Variants in PTBP2 observed in about 807,000 individuals in gnomAD.
The protein encoded by PTBP2 is polypyrimidine tract-binding protein 2.
Under a neutral mutation model 61.4 loss-of-function variants are expected in PTBP2, and 13 were observed. That is an observed-to-expected ratio of 0.21 (90% CI 0.14 to 0.34). The LOEUF is 0.34. PTBP2 is among the 10% of genes least tolerant of loss of function. PTBP2 has a pLI of 1.00. For synonymous variants in PTBP2, 215 were observed against 218.5 expected (o/e 0.98, Z 0.14); for missense variants, 405 against 642.6 (o/e 0.63, Z 4.00).
At chr1:96,785,615 G>T (rs761758567) in intron 8 of PTBP2, among the ~76,000 whole-genome samples, 1 of 152,126 alleles carries the variant, frequency 6.6e-6, no homozygotes, top group South Asian at 2.1e-4. Context: ...TAAAGTTCTT[G>T]TGTGTGTTTT....
chr1:96,728,815 A>AT (rs368839720), intron 2 of PTBP2, among the ~76,000 whole-genome samples: 8,284 of 110,110 alleles, frequency 0.075, 766 homozygotes, highest in African/African-American at 0.21. Context: ...TTCTTTAAGC[A>AT]TTTTTTTTTT....
intron 8 of PTBP2, among the ~76,000 whole-genome samples, chr1:96,791,902 C>T (rs950100470): frequency 2.2e-5 from 3 of 136,042 alleles, no homozygotes; most frequent in East Asian, 2.3e-4. Flanking sequence ...CATGCAATCT[C>T]GGCTCACTGC....
chr1:96,727,242 T>C (rs898733406), intron 2 of PTBP2, among the ~76,000 whole-genome samples: 1 of 152,270 alleles, frequency 6.6e-6, no homozygotes, highest in Non-Finnish European at 1.5e-5. Flanking sequence ...CATTCTGTTT[T>C]ATTGCTTAGT....
chr1:96,749,026 A>G (rs1414155320), intron 2 of PTBP2, among the ~76,000 whole-genome samples: 1 of 152,232 alleles, frequency 6.6e-6, no homozygotes, highest in Non-Finnish European at 1.5e-5. Flanking sequence ...ATTCTCAGTA[A>G]TGAAGGCTGT....
chr1:96,793,330 A>T (rs1028779660), intron 8 of PTBP2, among the ~76,000 whole-genome samples: 3 of 152,174 alleles, frequency 2.0e-5, no homozygotes, highest in African/African-American at 7.2e-5. Context: ...TGGAAGAGCT[A>T]AAGTAGATAG....
At chr1:96,751,035 T>G (rs1654471949) in intron 2 of PTBP2, among the ~76,000 whole-genome samples, 1 of 152,100 alleles carries the variant, frequency 6.6e-6, no homozygotes, top group African/African-American at 2.4e-5. Context: ...GTTCTAATTT[T>G]CTAAAGACCT....
At chr1:96,747,697 A>G (rs923760946) in intron 2 of PTBP2, among the ~76,000 whole-genome samples, 5 of 152,132 alleles carry the variant, frequency 3.3e-5, no homozygotes, top group Admixed American at 3.3e-4. Context: ...GTCATAGCAG[A>G]AGTCCTGTTG....
intron 8 of PTBP2, among the ~76,000 whole-genome samples, chr1:96,786,287 A>G (rs911735763): frequency 6.6e-6 from 1 of 152,188 alleles, no homozygotes; most frequent in Admixed American, 6.5e-5. Flanking sequence ...CTGGTAACTA[A>G]TAAGAATTAA....
chr1:96,757,172 T>C (rs1001888205), intron 3 of PTBP2, among the ~76,000 whole-genome samples: 4 of 152,224 alleles, frequency 2.6e-5, no homozygotes, highest in Admixed American at 2.6e-4. Flanking sequence ...AGACAAAGAT[T>C]GTCAGACTTG....
downstream of PTBP2, chr1:96,819,578 A>G (rs1162021990): frequency 6.6e-6 from 1 of 151,534 alleles, no homozygotes; most frequent in East Asian, 1.9e-4. Context: ...GATTCTTTTT[A>G]TTTGTGGTTA....
intron 2 of PTBP2, among the ~76,000 whole-genome samples, chr1:96,727,205 A>G (rs752551654): frequency 1.1e-4 from 16 of 152,180 alleles, no homozygotes; most frequent in Non-Finnish European, 1.9e-4. Context: ...TTATTTTGAA[A>G]TTCACCCATG....
downstream of PTBP2, chr1:96,816,811 C>T (rs1310104753): frequency 1.3e-5 from 2 of 152,108 alleles, no homozygotes. Context: ...GCTCCCCTCA[C>T]AGGATTATTA....
At chr1:96,804,119 A>T (rs1221823822) in intron 8 of PTBP2, among the ~76,000 whole-genome samples, 1 of 152,238 alleles carries the variant, frequency 6.6e-6, no homozygotes, top group African/African-American at 2.4e-5. Flanking sequence ...GGGAAAGGAT[A>T]GGAAAATACT....
At chr1:96,754,311 T>C (rs929232748) in intron 3 of PTBP2, among the ~76,000 whole-genome samples, 2 of 152,166 alleles carry the variant, frequency 1.3e-5, no homozygotes, top group African/African-American at 4.8e-5. Flanking sequence ...CTCTCTCTTT[T>C]CCTATCAGTT....
intron 8 of PTBP2, among the ~76,000 whole-genome samples, chr1:96,789,062 A>C (rs2101090499): frequency 6.6e-6 from 1 of 152,194 alleles, no homozygotes; most frequent in African/African-American, 2.4e-5. Context: ...TATCATGTTA[A>C]GAGGTGTAGT....
chr1:96,777,773 C>T lies in PTBP2; in HGVS notation c.597+24C>T, dbSNP rs772187395. Reference sequence around the variant, plus strand: ...AAGTAAGTTTAATCTGCATAATTACCTATAAATTAGAGAAATAATAATATA... The same window carrying T: ...AAGTAAGTTTAATCTGCATAATTACTTATAAATTAGAGAAATAATAATATA... On this transcript the variant is annotated intron_variant, in intron 6 of 13. Transcript: ENST00000674951. 5.8e-6 allele frequency: 9 copies of T among 1,557,080 alleles called. No homozygotes were observed. In the South Asian group the frequency reaches 6.1e-5, roughly 10 times the overall value.
chr1:96,809,321 G>A (rs902764070), intron 11 of PTBP2, among the ~76,000 whole-genome samples: 2 of 152,116 alleles, frequency 1.3e-5, no homozygotes, highest in Non-Finnish European at 2.9e-5. Context: ...GTTTTTAAAC[G>A]CATATGGAAC....
intron 1 of PTBP2, among the ~76,000 whole-genome samples, chr1:96,722,851 A>G (rs1042741995): frequency 6.6e-6 from 1 of 152,220 alleles, no homozygotes; most frequent in African/African-American, 2.4e-5. Flanking sequence ...CATATGCTTC[A>G]CACCTGAAAA....
chr1:96,815,851 A>G (rs1402085734), downstream of PTBP2: 1 of 152,204 alleles, frequency 6.6e-6, no homozygotes, highest in South Asian at 2.1e-4. Flanking sequence ...TTAAAATAAC[A>G]TCGTAGCACA....
Sources: gnomAD v4.1 joint callset for allele counts (sites outside exome capture counted in the v4.1 genomes callset) on GRCh38, gnomAD v4.1.1 for gene constraint, MANE v1.5 for transcripts, NCBI Gene and HGNC (gene_info 2026-07-23, HGNC 2026-07-21) for gene names.